Variants in CYRIB observed in about 807,000 individuals in gnomAD.
CYRIB encodes CYFIP-related Rac1 interactor B.
Under a neutral mutation model 44.2 loss-of-function variants are expected in CYRIB, and 8 were observed. The observed-to-expected ratio is 0.18, with a 90% CI of 0.11 to 0.33. The LOEUF is 0.33. Ranked by LOEUF, CYRIB falls within the 10% of genes least tolerant of loss-of-function variation. The pLI, the probability that CYRIB is intolerant of heterozygous loss-of-function variation, is 1.00. For missense variants in CYRIB, 185 were observed against 382.8 expected, an observed-to-expected ratio of 0.48 and a Z score of 4.31; for synonymous variants, 131 against 127.2, an observed-to-expected ratio of 1.03 and a Z score of -0.20.
chr8:129,918,903 G>A lies in CYRIB; in HGVS notation c.-49-15553C>T, dbSNP rs191102338. ...AGAGATAAGGAGAGGTCAATGTATC[G>A]TTAGCAGAAAACTGGTAAAATTTAG... is the stretch of plus-strand genomic sequence containing the variant. On this transcript the variant is annotated intron_variant, in intron 1 of 11. Coordinates refer to ENST00000519824, the Ensembl canonical transcript of CYRIB. Among the ~76,000 whole-genome samples the A allele has an allele frequency of 2.4e-4, 37 of 152,294 alleles. No homozygotes were observed. The East Asian group carries it at 6.4e-3, about 26-fold the overall frequency.
At chr8:129,877,618 T>TA (rs1310834713) in intron 3 of CYRIB, among the ~76,000 whole-genome samples, 1 of 146,876 alleles carries the variant, frequency 6.8e-6, no homozygotes, top group Non-Finnish European at 1.5e-5. Flanking sequence ...CACTGCACTC[T>TA]AGTCTGGGTG....
At chr8:129,903,100 T>C (rs1315745605) in intron 2 of CYRIB, 1 of 152,500 alleles carries the variant, frequency 6.6e-6, no homozygotes, top group Non-Finnish European at 1.5e-5. Context: ...AGAAAGCTGT[T>C]AAAAAAAGTT....
upstream of CYRIB, among the ~76,000 whole-genome samples, chr8:129,941,117 A>G (rs1464667787): frequency 6.6e-6 from 1 of 152,102 alleles, no homozygotes; most frequent in Non-Finnish European, 1.5e-5. Flanking sequence ...AAACGTGTTG[A>G]GTCATGGAGA....
At chr8:129,921,808 A>G (rs1273557010) in intron 1 of CYRIB, among the ~76,000 whole-genome samples, 1 of 152,172 alleles carries the variant, frequency 6.6e-6, no homozygotes, top group Non-Finnish European at 1.5e-5. Flanking sequence ...ATTATGAAAT[A>G]TTTTCTATCA....
At chr8:129,976,999 G>A (rs1199259624) in intron 1 of CYRIB, among the ~76,000 whole-genome samples, 1 of 151,976 alleles carries the variant, frequency 6.6e-6, no homozygotes, top group Non-Finnish European at 1.5e-5. Context: ...GTGCCACCAC[G>A]CCCAACTAAT....
intron 4 of CYRIB, among the ~76,000 whole-genome samples, chr8:129,863,919 C>G (rs1472390187): frequency 1.3e-5 from 2 of 152,178 alleles, no homozygotes; most frequent in African/African-American, 4.8e-5. Context: ...AGAACTAAAG[C>G]AGGGACCTGC....
intron 4 of CYRIB, among the ~76,000 whole-genome samples, chr8:129,870,986 G>C (rs1168520545): frequency 6.6e-6 from 1 of 152,098 alleles, no homozygotes; most frequent in Non-Finnish European, 1.5e-5. Context: ...ACCTGAAAAA[G>C]TTCAGCAGTT....
chr8:129,854,360 TGG>T lies in CYRIB; in HGVS notation c.439-19_439-18del. ...ATTTGTCATCTGAAGAAGACAGTTGTGGAAAAAAAATGTTATGTACTAAATGC... is the reference window on the plus strand; with the variant it reads ...ATTTGTCATCTGAAGAAGACAGTTGTAAAAAAAATGTTATGTACTAAATGC... On this transcript the variant is annotated intron_variant, in intron 6 of 11. Coordinates refer to ENST00000519824, the Ensembl canonical transcript of CYRIB. 1 of 1,584,982 alleles carries T rather than the reference TGG, an allele frequency of 6.3e-7. No homozygotes were observed. Among genetic ancestry groups the T allele is most frequent in the Non-Finnish European group, 8.6e-7 (1 of 1,166,626 alleles).
At chr8:129,968,318 TC>T (rs1156379781) in intron 2 of CYRIB, among the ~76,000 whole-genome samples, 3 of 152,242 alleles carry the variant, frequency 2.0e-5, no homozygotes, top group Non-Finnish European at 4.4e-5. Context: ...TGATTATTTT[TC>T]CTTTCAATTC....
At chr8:129,975,037 C>T (rs376312945) in intron 1 of CYRIB, among the ~76,000 whole-genome samples, 21 of 152,076 alleles carry the variant, frequency 1.4e-4, no homozygotes, top group African/African-American at 3.4e-4. Context: ...CCTGCCAGCA[C>T]GCCCAGCTAA....
chr8:129,964,690 C>A (rs2095406160), intron 2 of CYRIB, among the ~76,000 whole-genome samples: 1 of 152,082 alleles, frequency 6.6e-6, no homozygotes, highest in Non-Finnish European at 1.5e-5. Flanking sequence ...TCAAGACCAG[C>A]CTGGGCAAGA....
chr8:129,989,068 T>C (rs1408968257), intron 1 of CYRIB, among the ~76,000 whole-genome samples: 3 of 152,162 alleles, frequency 2.0e-5, no homozygotes, highest in Non-Finnish European at 4.4e-5. Context: ...TTCTGTCTTT[T>C]CCCCCCAACA....
At chr8:129,988,941 G>C (rs1351926999) in intron 1 of CYRIB, among the ~76,000 whole-genome samples, 1 of 152,084 alleles carries the variant, frequency 6.6e-6, no homozygotes, top group African/African-American at 2.4e-5. Flanking sequence ...ATAGACCCTG[G>C]AGATCTTCTA....
chr8:129,849,583 T>G (rs924223083), intron 9 of CYRIB: 1 of 411,540 alleles, frequency 2.4e-6, no homozygotes, highest in Non-Finnish European at 4.3e-6. Context: ...ATAAAATTCT[T>G]TAATGAGGTG....
intron 1 of CYRIB, among the ~76,000 whole-genome samples, chr8:129,987,361 C>G (rs73398773): frequency 0.013 from 1,971 of 152,178 alleles, 43 homozygotes; most frequent in African/African-American, 0.046. Context: ...TGAGAGGCTG[C>G]TGGTTGCTAC....
At chr8:129,942,592 T>C (rs2130909584), upstream of CYRIB, among the ~76,000 whole-genome samples, 1 of 152,340 alleles carries the variant, frequency 6.6e-6, no homozygotes, top group South Asian at 2.1e-4. Context: ...TGTGATCATA[T>C]TTTTGCCGAG....
chr8:129,877,136 T>C (rs2059376681), intron 3 of CYRIB, among the ~76,000 whole-genome samples: 1 of 152,168 alleles, frequency 6.6e-6, no homozygotes, highest in South Asian at 2.1e-4. Flanking sequence ...TCTAAAAATC[T>C]AAATAAGAAA....
At chr8:129,860,975 G>A (rs1384347115) in intron 5 of CYRIB, among the ~76,000 whole-genome samples, 1 of 151,926 alleles carries the variant, frequency 6.6e-6, no homozygotes, top group East Asian at 1.9e-4. Context: ...TCTAAATTTA[G>A]CTTTTGGGTC....
chr8:129,881,291 G>A (rs915714942), intron 2 of CYRIB, among the ~76,000 whole-genome samples: 32 of 152,122 alleles, frequency 2.1e-4, no homozygotes, highest in African/African-American at 5.8e-4. Flanking sequence ...ATGGTATCAC[G>A]GCTACCCACA....
Sources: allele counts gnomAD v4.1 joint callset (sites outside exome capture counted in the v4.1 genomes callset), GRCh38; gene constraint gnomAD v4.1.1; transcripts MANE v1.5; gene names NCBI Gene and HGNC (gene_info 2026-07-23, HGNC 2026-07-21).